Variants in BSN observed in about 807,000 individuals in gnomAD.
BSN encodes the protein protein bassoon.
BSN carries 57 observed loss-of-function variants against 264.8 expected under a neutral mutation model. The ratio of observed to expected loss-of-function variants is 0.22; its 90% CI spans 0.17 to 0.27. The LOEUF is 0.27. BSN is among the 10% of genes least tolerant of loss of function. The pLI is 1.00. For missense variants in BSN, 4,615 were observed against 5,232.5 expected (o/e 0.88, Z 3.64); for synonymous variants, 2,059 against 2,137.3 (o/e 0.96, Z 1.01).
intron 1 of BSN, among the ~76,000 whole-genome samples, chr3:49,605,925 T>TAAAAATCTATTTATATATAAATATATATA (rs377640307): frequency 3.3e-5 from 2 of 60,284 alleles, no homozygotes; most frequent in African/African-American, 5.5e-5. Context: ...TAAATAGATA[T>TAAAAATCTATTTATATATAAATATATATA]AAAATCTATT....
intron 1 of BSN, among the ~76,000 whole-genome samples, chr3:49,601,288 G>C (rs2052071448): frequency 6.6e-6 from 1 of 152,212 alleles, no homozygotes; most frequent in African/African-American, 2.4e-5. Context: ...CTGCAGTGCA[G>C]GTGGCAATCG....
rs755755493 is a variant in BSN at position 49,658,118 on chromosome 3, G to A, written c.8562G>A (p.Lys2854=). 28 of 1,610,768 alleles carry A rather than the reference G, an allele frequency of 1.7e-5. No homozygotes were observed. Among genetic ancestry groups the A allele is most frequent in the Non-Finnish European group, 2.2e-5 (26 of 1,178,550 alleles). The change falls in exon 5 of 12, where the codon AAG becomes AAA. Residue 2854 remains lysine (K), a synonymous_variant. Coordinates refer to ENST00000296452, the MANE Select transcript of BSN (RefSeq NM_003458.4). ...KTLQRSLSDP[K]PLSPTAEESA... is the part of the protein sequence containing the mutation. ...TGCAGCGGTCCCTGTCTGACCCTAAGCCCCTCAGCCCCACCGCCGAAGAGT... is the reference window on the plus strand; with the variant it reads ...TGCAGCGGTCCCTGTCTGACCCTAAACCCCTCAGCCCCACCGCCGAAGAGT...
intron 1 of BSN, among the ~76,000 whole-genome samples, chr3:49,601,727 A>T (rs1575434001): frequency 1.3e-5 from 2 of 152,236 alleles, no homozygotes; most frequent in East Asian, 3.8e-4. Flanking sequence ...ATGACACCAG[A>T]ACAGTTTTCC....
chr3:49,672,900 CT>C (rs1287301965), downstream of BSN, among the ~76,000 whole-genome samples: 1 of 151,002 alleles, frequency 6.6e-6, no homozygotes, highest in African/African-American at 2.4e-5. Flanking sequence ...CTGCCTCAGC[CT>C]CCCGAGTAAC....
chr3:49,649,847 C>T (rs1331859186), intron 3 of BSN, among the ~76,000 whole-genome samples: 4 of 152,296 alleles, frequency 2.6e-5, no homozygotes, highest in Admixed American at 1.3e-4. Flanking sequence ...AGAATTTGAT[C>T]CCAGTCCAGC....
Position 49,662,228 on chromosome 3 carries a change from C to T in BSN, c.10383C>T (p.Gly3461=), listed in dbSNP as rs776699806. ...AGCTGTCCAGCCACGACTTCAGTGG[C>T]TGGGGCAAGGGGTACGAAAGGGAAC... ...GEKLSSHDFS[G]WGKGYERERE... The change falls in exon 6 of 12, where the codon GGC becomes GGT. Residue 3461 remains glycine, a synonymous_variant. Transcript: ENST00000296452. The T allele has an allele frequency of 1.9e-6, 3 of 1,613,660 alleles. No individual in the cohort carries two copies. In the South Asian group the frequency reaches 3.3e-5, roughly 18 times the overall value.
Position 49,655,957 on chromosome 3 carries a change from G to C in BSN, c.6401G>C (p.Gly2134Ala). 6.2e-7 allele frequency: 1 copy of C among 1,610,418 alleles called. No individual in the cohort carries two copies. The highest frequency in any genetic ancestry group is 8.5e-7 in the Non-Finnish European group (1 of 1,179,690). The change falls in exon 5 of 12, where the codon GGG (glycine) becomes GCG (alanine). Residue 2134 changes from glycine (G) to alanine (A), a missense_variant. Around this residue, in one of 3 missense-constraint regions of BSN, gnomAD observed 3,415 missense variants for 3,866.4 expected, o/e 0.88. Transcript: ENST00000296452. ...LVQYQPQHGP[G>A]LSAPQSLVPL... Reference sequence around the variant, plus strand: ...CAGTACCAGCCCCAGCACGGGCCCGGGCTCAGTGCTCCACAGAGTCTGGTT... The same window carrying C: ...CAGTACCAGCCCCAGCACGGGCCCGCGCTCAGTGCTCCACAGAGTCTGGTT...
intron 2 of BSN, among the ~76,000 whole-genome samples, chr3:49,628,631 C>T (rs1462726439): frequency 6.6e-6 from 1 of 152,200 alleles, no homozygotes; most frequent in African/African-American, 2.4e-5. Context: ...ATGTAGTTTG[C>T]TGGGTTTCTG....
rs1000466805 is a variant in BSN, at chr3:49,651,103, G to T, written c.1986+24G>T. On this transcript the variant is annotated intron_variant, in intron 4 of 11. Transcript: ENST00000296452. This position sits in a 1 kb window ranked among gnomAD's most constrained non-coding sequence, Gnocchi z 5.4. ...AGGTCAGTCCCATTCACTTCCCAGA[G>T]ACCCTAGCTTTCAGACAGGACAGTC... 6.9e-6 allele frequency: 11 copies of T among 1,587,902 alleles called. No homozygotes were observed. Among genetic ancestry groups the T allele is most frequent in the African/African-American group, 2.7e-5 (2 of 73,052 alleles).
rs201556520 is a variant in BSN at position 49,657,751 on chromosome 3, C to G, written c.8195C>G (p.Pro2732Arg). Residue 2732 changes from proline (P) to arginine (R), a missense_variant, in exon 5 of 12, where the codon CCG (proline) becomes CGG (arginine). Physicochemically the swap from Pro to Arg is moderately radical, Grantham distance 103. Coordinates refer to ENST00000296452, the MANE Select transcript of BSN (RefSeq NM_003458.4). ...PDGQAQGVAG[P>R]QLVGPTAISP... ...GGGCAGGCCCAGGGTGTAGCCGGGC[C>G]GCAGCTTGTAGGGCCAACTGCCATC... 3.5e-4 allele frequency: 535 copies of G among 1,548,974 alleles called. No individual in the cohort carries two copies. Among genetic ancestry groups the G allele is most frequent in the Admixed American group, 5.3e-4 (28 of 53,282 alleles).
intron 1 of BSN, among the ~76,000 whole-genome samples, chr3:49,578,533 G>A (rs1019291597): frequency 6.6e-6 from 1 of 151,540 alleles, no homozygotes; most frequent in African/African-American, 2.4e-5. Flanking sequence ...TCAGCCTCCC[G>A]AGTAGCTGGG....
chr3:49,575,260 A>G (rs2051834254), intron 1 of BSN, among the ~76,000 whole-genome samples: 1 of 151,928 alleles, frequency 6.6e-6, no homozygotes, highest in South Asian at 2.1e-4. Context: ...AGGCTGAGGC[A>G]GGAGAATCAC....
intron 2 of BSN, among the ~76,000 whole-genome samples, chr3:49,634,679 G>A (rs1488372308): frequency 6.6e-6 from 1 of 152,142 alleles, no homozygotes; most frequent in Admixed American, 6.5e-5. Context: ...GGCGTGAGCC[G>A]CAGTGTCCGG....
At chr3:49,672,722 C>G (rs2052810082), downstream of BSN, among the ~76,000 whole-genome samples, 1 of 151,482 alleles carries the variant, frequency 6.6e-6, no homozygotes, top group African/African-American at 2.4e-5. Context: ...CTCAGGTGAT[C>G]CACCCGCCTC....
chr3:49,649,882 A>T (rs1379707493), intron 3 of BSN, among the ~76,000 whole-genome samples: 5 of 152,218 alleles, frequency 3.3e-5, no homozygotes, highest in Admixed American at 1.3e-4. Context: ...GGCCCCTGAC[A>T]CAAGGGCCAC....
chr3:49,574,055 T>C (rs2051820511), intron 1 of BSN, among the ~76,000 whole-genome samples: 1 of 151,834 alleles, frequency 6.6e-6, no homozygotes, highest in Non-Finnish European at 1.5e-5. Flanking sequence ...GCTCAAGCAA[T>C]CCTCTCACCT....
intron 2 of BSN, chr3:49,640,424 G>A (rs1272550492): frequency 6.6e-6 from 1 of 152,212 alleles, no homozygotes; most frequent in Non-Finnish European, 1.5e-5. Flanking sequence ...GACACTTTGG[G>A]AAAGAATAAG....
chr3:49,647,900 C>CA (rs1340205608), intron 3 of BSN, among the ~76,000 whole-genome samples: 1 of 152,232 alleles, frequency 6.6e-6, no homozygotes, highest in Non-Finnish European at 1.5e-5. Flanking sequence ...GAAGGGCCTC[C>CA]AGCAGCCAGG....
chr3:49,567,103 C>T (rs151024562), intron 1 of BSN, among the ~76,000 whole-genome samples: 2 of 152,150 alleles, frequency 1.3e-5, no homozygotes, highest in African/African-American at 4.8e-5. Flanking sequence ...ATGCTTGATG[C>T]TCCTTTCAAT....
Sources: gnomAD v4.1 joint callset for allele counts (sites outside exome capture counted in the v4.1 genomes callset) on GRCh38, gnomAD v4.1.1 for gene constraint, gnomAD v4.1.1 regional missense constraint, Gnocchi (gnomAD v3.1) non-coding constraint, MANE v1.5 for transcripts, NCBI Gene and HGNC (gene_info 2026-07-23, HGNC 2026-07-21) for gene names.